SCN8A: variants seen among roughly 807,000 people sequenced by gnomAD.
The protein encoded by SCN8A is sodium channel protein type 8 subunit alpha.
In SCN8A, 30 loss-of-function variants were observed where a neutral mutation model predicts 184.1. That is an observed-to-expected ratio of 0.16 (90% CI 0.12 to 0.22). The LOEUF (loss-of-function observed/expected upper bound fraction) is 0.22. Ranked by LOEUF, SCN8A falls within the 10% of genes least tolerant of loss-of-function variation. SCN8A has a pLI of 1.00. For missense variants in SCN8A, 1,057 were observed against 2,498.9 expected, an observed-to-expected ratio of 0.42 and a Z score of 12.30; for synonymous variants, 852 against 907.0, an observed-to-expected ratio of 0.94 and a Z score of 1.09.
Position 51,712,643 on chromosome 12 carries a change from C to T in SCN8A, c.1635+5928C>T, listed in dbSNP as rs1015572878. On this transcript the variant is annotated intron_variant, in intron 11 of 26. Coordinates refer to ENST00000627620, the MANE Select transcript of SCN8A (RefSeq NM_001330260.2). Reference sequence around the variant, plus strand: ...CCCACCACCACCATAGTTACCACCGCCAAAATTTCCTCCTTCATTGTAACC... The same window carrying T: ...CCCACCACCACCATAGTTACCACCGTCAAAATTTCCTCCTTCATTGTAACC... 5.0e-6 allele frequency: 4 copies of T among 793,866 alleles called. No homozygotes were observed. In the African/African-American group the frequency reaches 6.7e-5, roughly 13 times the overall value. 49.2% of individuals were successfully genotyped at this position (793,866 alleles called of 1,614,324 possible).
At chr12:51,656,501 G>A (rs990927471) in intron 1 of SCN8A, among the ~76,000 whole-genome samples, 15 of 152,088 alleles carry the variant, frequency 9.9e-5, no homozygotes, top group African/African-American at 2.9e-4. Context: ...CATTAAGACA[G>A]GTGAAAGAGA....
intron 7 of SCN8A, among the ~76,000 whole-genome samples, chr12:51,700,785 C>T (rs535967055): frequency 2.6e-5 from 4 of 152,116 alleles, no homozygotes; most frequent in African/African-American, 9.6e-5. Flanking sequence ...GATAAAGACA[C>T]GTTGTAAGGA....
chr12:51,750,489 T>C (rs1942579209), intron 13 of SCN8A, among the ~76,000 whole-genome samples: 1 of 151,522 alleles, frequency 6.6e-6, no homozygotes, highest in Non-Finnish European at 1.5e-5. Context: ...GAAGGAAAGG[T>C]GAAAAGGGGA....
intron 6 of SCN8A, among the ~76,000 whole-genome samples, chr12:51,696,606 T>G (rs909394960): frequency 2.6e-5 from 4 of 152,234 alleles, no homozygotes; most frequent in African/African-American, 9.7e-5. Context: ...CTCTGCCTTA[T>G]TTTGAAAGAC....
chr12:51,651,308 A>C (rs1940709277), intron 1 of SCN8A, among the ~76,000 whole-genome samples: 1 of 152,270 alleles, frequency 6.6e-6, no homozygotes, highest in South Asian at 2.1e-4. Context: ...GGATCAAGTG[A>C]TTCTCCTGCC....
intron 20 of SCN8A, among the ~76,000 whole-genome samples, chr12:51,777,618 T>C (rs1937746811): frequency 6.6e-6 from 1 of 152,188 alleles, no homozygotes; most frequent in Non-Finnish European, 1.5e-5. Context: ...CCCTTATTGA[T>C]CCTGTCCTGG....
chr12:51,710,034 G>C (rs1472876886), intron 11 of SCN8A, among the ~76,000 whole-genome samples: 1 of 152,118 alleles, frequency 6.6e-6, no homozygotes, highest in African/African-American at 2.4e-5. Flanking sequence ...TTAATTTTTT[G>C]ATAATGTAGG....
chr12:51,652,226 G>A (rs975951896), intron 1 of SCN8A, among the ~76,000 whole-genome samples: 4 of 152,022 alleles, frequency 2.6e-5, no homozygotes, highest in African/African-American at 9.7e-5. Flanking sequence ...TGATTTGGGT[G>A]TCTTCCTTGA....
rs1485294469 is a variant in SCN8A, at chr12:51,812,576, C to T, written c.*5147C>T. 1 of 152,222 alleles carries T rather than the reference C, an allele frequency of 6.6e-6. No homozygotes were observed. Among genetic ancestry groups the T allele is most frequent in the African/African-American group, 2.4e-5 (1 of 41,446 alleles). The allele number at this position is 152,222 out of a possible 1,614,324, so 9.4% of individuals were successfully genotyped here. A position where few individuals can be genotyped will look rare whatever the true frequency, so the allele number is the denominator to read the frequency against. Reference sequence around the variant, plus strand: ...TAAACTGCACTGCTCCAACCACCCCCGCTTCTCATCACCAGGACAGCAGGT... The same window carrying T: ...TAAACTGCACTGCTCCAACCACCCCTGCTTCTCATCACCAGGACAGCAGGT... On this transcript the variant is annotated 3_prime_UTR_variant, in exon 27 of 27. Transcript: ENST00000627620.
intron 1 of SCN8A, among the ~76,000 whole-genome samples, chr12:51,640,620 A>C (rs1940432144): frequency 6.6e-6 from 1 of 152,150 alleles, no homozygotes. Flanking sequence ...ACAGCAGAGA[A>C]CGTCTATTAA....
intron 1 of SCN8A, among the ~76,000 whole-genome samples, chr12:51,641,885 CA>C (rs1231630074): frequency 6.6e-6 from 1 of 152,170 alleles, no homozygotes; most frequent in East Asian, 1.9e-4. Context: ...ACAAAAACAA[CA>C]GAAACCACAC....
At chr12:51,653,873 G>A (rs1340763819) in intron 1 of SCN8A, among the ~76,000 whole-genome samples, 1 of 152,132 alleles carries the variant, frequency 6.6e-6, no homozygotes, top group African/African-American at 2.4e-5. Flanking sequence ...AATTTTGTTT[G>A]TGTTTTAATA....
At chr12:51,636,340 C>G (rs894572687) in intron 1 of SCN8A, among the ~76,000 whole-genome samples, 1 of 152,242 alleles carries the variant, frequency 6.6e-6, no homozygotes, top group Non-Finnish European at 1.5e-5. Context: ...AATGCCTCAA[C>G]TCATTATGTC....
intron 5 of SCN8A, 159 bp from the exon 6 acceptor site, chr12:51,688,846 C>G: frequency 6.2e-7 from 1 of 1,612,632 alleles, no homozygotes; most frequent in Non-Finnish European, 8.5e-7. Flanking sequence ...TTCGGTAATC[C>G]CAGGTAAGAT....
chr12:51,656,592 T>C (rs1391801249), intron 1 of SCN8A, among the ~76,000 whole-genome samples: 1 of 151,946 alleles, frequency 6.6e-6, no homozygotes, highest in Non-Finnish European at 1.5e-5. Context: ...GTAAGAAAAA[T>C]GCAGTTTAAC....
intron 6 of SCN8A, among the ~76,000 whole-genome samples, chr12:51,691,638 C>T (rs1232552071): frequency 6.6e-6 from 1 of 152,054 alleles, no homozygotes; most frequent in Non-Finnish European, 1.5e-5. Context: ...AGAAGCACCC[C>T]CAATTGAGCT....
chr12:51,780,608 T>A, intron 20 of SCN8A, 41 bp from the exon 21 acceptor site: 2 of 348,868 alleles, frequency 5.7e-6, no homozygotes, highest in Non-Finnish European at 9.5e-6. Flanking sequence ...TTTTTTTGGT[T>A]ACCTTTTTTG....
chr12:51,718,804 G>A (rs1278167888), intron 11 of SCN8A, among the ~76,000 whole-genome samples: 3 of 151,464 alleles, frequency 2.0e-5, no homozygotes, highest in Non-Finnish European at 4.4e-5. Flanking sequence ...GGTTAAACGA[G>A]CTTCCTTTAA....
At chr12:51,700,885 A>G (rs1412635713) in intron 7 of SCN8A, among the ~76,000 whole-genome samples, 1 of 152,214 alleles carries the variant, frequency 6.6e-6, no homozygotes. Context: ...TGGCATATAG[A>G]TTTGAAGTAT....
Sources: allele counts gnomAD v4.1 joint callset (sites outside exome capture counted in the v4.1 genomes callset), GRCh38; gene constraint gnomAD v4.1.1; transcripts MANE v1.5; gene names NCBI Gene and HGNC (gene_info 2026-07-23, HGNC 2026-07-21).